Variants in KSR2 observed in about 807,000 individuals in gnomAD.
KSR2 encodes kinase suppressor of ras 2.
KSR2 carries 25 observed loss-of-function variants against 107.8 expected under a neutral mutation model. The observed-to-expected ratio is 0.23, with a 90% confidence interval of 0.17 to 0.32. The LOEUF (loss-of-function observed/expected upper bound fraction) is 0.32, where lower values mean the gene tolerates loss of function less well. Among genes scored for constraint, KSR2 ranks in the 10% least tolerant of loss-of-function variants. The pLI is 1.00. For synonymous variants in KSR2, 480 were observed against 507.0 expected, an observed-to-expected ratio of 0.95 and a Z score of 0.71; for missense variants, 887 against 1,268.9, an observed-to-expected ratio of 0.70 and a Z score of 4.57.
At position 117,780,452 on chromosome 12, in the gene KSR2, C is replaced by A. The variant is rs1889844946; in HGVS notation, c.473-18928G>T. Among the ~76,000 whole-genome samples the A allele has an allele frequency of 2.0e-5, 3 of 152,178 alleles. 1 individual carries two copies. The highest frequency in any genetic ancestry group is 2.4e-5 in the African/African-American group (1 of 41,514). The stretch of plus-strand genomic sequence containing the variant: ...AAAACCATATGCTAAATGAAATATG[C>A]CAGACACAAAAGGACAAATAGTGTA... On this transcript the variant is annotated intron_variant, in intron 3 of 19. Transcript: ENST00000339824.
intron 5 of KSR2, among the ~76,000 whole-genome samples, chr12:117,591,624 T>C (rs540178140): frequency 1.3e-5 from 2 of 151,714 alleles, no homozygotes; most frequent in South Asian, 2.1e-4. Flanking sequence ...AGGTAGGACA[T>C]TGGAGAGGAT....
At chr12:117,630,162 C>T (rs562592444) in intron 5 of KSR2, among the ~76,000 whole-genome samples, 5 of 152,186 alleles carry the variant, frequency 3.3e-5, no homozygotes, top group African/African-American at 4.8e-5. Flanking sequence ...CTCCCACTAG[C>T]GACGTCTCTC....
At chr12:117,856,370 T>C (rs1283036027) in intron 2 of KSR2, among the ~76,000 whole-genome samples, 1 of 152,228 alleles carries the variant, frequency 6.6e-6, no homozygotes, top group Non-Finnish European at 1.5e-5. Context: ...TATTTATGCA[T>C]CAGTATCTGT....
intron 4 of KSR2, among the ~76,000 whole-genome samples, chr12:117,755,799 T>C (rs947723118): frequency 1.2e-4 from 18 of 152,172 alleles, no homozygotes; most frequent in Admixed American, 2.0e-4. Context: ...AATGGTCAAG[T>C]TGTGAAGGCA....
chr12:117,484,476 C>T lies in KSR2; in HGVS notation c.2390G>A (p.Gly797Asp), dbSNP rs1246798491. ...LKSKNVFYDN[G>D]KVVITDFGLF... Reference sequence around the variant, plus strand: ...TCCAAAGTCCGTGATGACCACTTTGCCGTTGTCATAGAAGACGTTCTTTGA... The same window carrying T: ...TCCAAAGTCCGTGATGACCACTTTGTCGTTGTCATAGAAGACGTTCTTTGA... The change falls in exon 16 of 20, where the codon GGC (glycine) becomes GAC (aspartate). Residue 797 changes from glycine to aspartate, a missense_variant. Coordinates refer to ENST00000339824, the MANE Select transcript of KSR2 (RefSeq NM_173598.6). The T allele has an allele frequency of 6.2e-7, 1 of 1,613,718 alleles. No homozygotes were observed. Among genetic ancestry groups the T allele is most frequent in the Non-Finnish European group, 8.5e-7 (1 of 1,179,768 alleles).
intron 7 of KSR2, among the ~76,000 whole-genome samples, chr12:117,572,001 C>T (rs549105794): frequency 5.9e-5 from 9 of 152,192 alleles, no homozygotes; most frequent in African/African-American, 2.2e-4. Context: ...TGCCTGGAGC[C>T]TCAGGTAGCA....
chr12:117,632,208 A>C (rs920364461), intron 5 of KSR2, among the ~76,000 whole-genome samples: 5 of 142,924 alleles, frequency 3.5e-5, no homozygotes, highest in African/African-American at 1.3e-4. Flanking sequence ...TTATGGCTCT[A>C]GTCCTACTCC....
At chr12:117,539,602 C>T (rs1049530151) in intron 10 of KSR2, 117 bp downstream of exon 10, 5 of 974,906 alleles carry the variant, frequency 5.1e-6, no homozygotes, top group African/African-American at 1.7e-5. Context: ...TGGTCATTGA[C>T]CCATTCGCTT....
intron 1 of KSR2, among the ~76,000 whole-genome samples, chr12:117,955,802 A>C (rs1896493674): frequency 6.6e-6 from 1 of 151,890 alleles, no homozygotes; most frequent in South Asian, 2.1e-4. Context: ...GTTCCATAGC[A>C]ATATACAGTG....
intron 12 of KSR2, among the ~76,000 whole-genome samples, chr12:117,527,967 G>A (rs1227948080): frequency 1.3e-5 from 2 of 150,554 alleles, no homozygotes; most frequent in African/African-American, 4.9e-5. Flanking sequence ...GTGTGTGTGT[G>A]TGTGTGTGTG....
chr12:117,917,049 A>G (rs1027729578), intron 1 of KSR2, among the ~76,000 whole-genome samples: 2 of 152,134 alleles, frequency 1.3e-5, no homozygotes, highest in Admixed American at 6.6e-5. Context: ...TAGGATACTA[A>G]TCAGCATCCC....
chr12:117,494,018 T>C (rs1403216854), intron 14 of KSR2, among the ~76,000 whole-genome samples: 2 of 152,296 alleles, frequency 1.3e-5, no homozygotes, highest in East Asian at 3.9e-4. Context: ...GGTAGGTCTT[T>C]GTCAGCAGCG....
intron 14 of KSR2, among the ~76,000 whole-genome samples, chr12:117,522,225 G>C (rs557360679): frequency 3.9e-5 from 6 of 152,224 alleles, no homozygotes; most frequent in Admixed American, 3.3e-4. Context: ...ATGACCACTC[G>C]TTTTTCAAGG....
intron 14 of KSR2, 29 bp from the exon 15 acceptor site, chr12:117,485,720 A>C: frequency 6.7e-7 from 1 of 1,503,140 alleles, no homozygotes; most frequent in Non-Finnish European, 9.3e-7. Context: ...AGATAAATTA[A>C]TGGCAGTCGT....
At chr12:117,935,911 C>T (rs767355536) in intron 1 of KSR2, among the ~76,000 whole-genome samples, 1 of 152,188 alleles carries the variant, frequency 6.6e-6, no homozygotes, top group African/African-American at 2.4e-5. Context: ...TCCCCGGGAT[C>T]ACTCCCTCAG....
intron 1 of KSR2, among the ~76,000 whole-genome samples, chr12:117,942,990 T>G (rs1049736459): frequency 6.6e-6 from 1 of 152,180 alleles, no homozygotes; most frequent in Non-Finnish European, 1.5e-5. Flanking sequence ...AAATATAGTT[T>G]TGACACTGAA....
At chr12:117,542,065 T>C (rs887141605) in intron 9 of KSR2, among the ~76,000 whole-genome samples, 5 of 152,016 alleles carry the variant, frequency 3.3e-5, no homozygotes, top group Non-Finnish European at 7.4e-5. Context: ...AACACTTTTT[T>C]TGGTAGACAC....
chr12:117,695,257 A>G (rs942381592), intron 4 of KSR2, among the ~76,000 whole-genome samples: 1 of 152,152 alleles, frequency 6.6e-6, no homozygotes, highest in Admixed American at 6.6e-5. Context: ...TTTAATGGGT[A>G]CAGAGCTTTA....
At chr12:117,774,182 C>G (rs1204259787) in intron 3 of KSR2, among the ~76,000 whole-genome samples, 3 of 152,178 alleles carry the variant, frequency 2.0e-5, no homozygotes, top group African/African-American at 7.2e-5. Flanking sequence ...CCTGGGGCAG[C>G]TCCTTCTGAC....
Sources: gnomAD v4.1 joint callset for allele counts (sites outside exome capture counted in the v4.1 genomes callset) on GRCh38, gnomAD v4.1.1 for gene constraint, MANE v1.5 for transcripts, NCBI Gene and HGNC (gene_info 2026-07-23, HGNC 2026-07-21) for gene names.